ITFG1: variants seen among roughly 807,000 people sequenced by gnomAD.
ITFG1 encodes the protein T-cell immunomodulatory protein.
A neutral mutation model predicts 81.8 loss-of-function variants in ITFG1; 34 were observed. The ratio of observed to expected loss-of-function variants is 0.42; its 90% confidence interval spans 0.32 to 0.55. The LOEUF (loss-of-function observed/expected upper bound fraction) is 0.55, where lower values mean the gene tolerates loss of function less well. Among genes scored for constraint, ITFG1 ranks in the 20% least tolerant of loss-of-function variants. The pLI, the probability that ITFG1 is intolerant of heterozygous loss-of-function variation, is 0.17. For synonymous variants in ITFG1, 285 were observed against 270.6 expected, an observed-to-expected ratio of 1.05 and a Z score of -0.52; for missense variants, 672 against 755.4, an observed-to-expected ratio of 0.89 and a Z score of 1.29.
chr16:47,316,392 T>TC (rs1967358910), intron 8 of ITFG1, among the ~76,000 whole-genome samples: 1 of 152,242 alleles, frequency 6.6e-6, no homozygotes, highest in African/African-American at 2.4e-5. Context: ...CAAATTTTTT[T>TC]CGGAACCATG....
At chr16:47,330,182 G>C (rs954220295) in intron 8 of ITFG1, among the ~76,000 whole-genome samples, 1 of 151,956 alleles carries the variant, frequency 6.6e-6, no homozygotes, top group Non-Finnish European at 1.5e-5. Flanking sequence ...TGAGAAAAAT[G>C]AGCATGGGAA....
At chr16:47,209,905 T>C (rs1445371484) in intron 14 of ITFG1, among the ~76,000 whole-genome samples, 1 of 152,196 alleles carries the variant, frequency 6.6e-6, no homozygotes, top group Non-Finnish European at 1.5e-5. Flanking sequence ...CATTGCTGAG[T>C]AGTGTTTCAT....
At chr16:47,322,832 A>G (rs1967469119) in intron 8 of ITFG1, among the ~76,000 whole-genome samples, 1 of 152,158 alleles carries the variant, frequency 6.6e-6, no homozygotes, top group Non-Finnish European at 1.5e-5. Context: ...CCAAGTATAT[A>G]TTGTTATTAA....
chr16:47,365,808 T>C lies in ITFG1; in HGVS notation c.782A>G (p.Gln261Arg). The change falls in exon 8 of 18, where the codon CAG becomes CGG. Residue 261 changes from glutamine to arginine, a missense_variant. Around this residue, in one of 3 missense-constraint regions of ITFG1, gnomAD observed 560 missense variants for 625.7 expected, o/e 0.90. Coordinates refer to ENST00000320640, the MANE Select transcript of ITFG1 (RefSeq NM_030790.5). ...EKPQNMMVVG[Q>R]SAFADFDGDG... The stretch of plus-strand genomic sequence containing the variant: ...CTTACCAAAGTCTGCAAATGCTGAC[T>C]GTCCAACCACCATCATATTTTGAGG... 6.2e-7 allele frequency: 1 copy of C among 1,601,030 alleles called. No homozygotes were observed. The highest frequency in any genetic ancestry group is 8.5e-7 in the Non-Finnish European group (1 of 1,169,698).
intron 10 of ITFG1, among the ~76,000 whole-genome samples, chr16:47,269,323 C>T (rs959964845): frequency 6.6e-6 from 1 of 151,370 alleles, no homozygotes; most frequent in Non-Finnish European, 1.5e-5. Flanking sequence ...GATATAAATA[C>T]AATAGTCAAG....
At chr16:47,361,539 A>T (rs948103354) in intron 8 of ITFG1, among the ~76,000 whole-genome samples, 1 of 152,160 alleles carries the variant, frequency 6.6e-6, no homozygotes, top group South Asian at 2.1e-4. Flanking sequence ...AAGACAGAAA[A>T]CATGTCTTCT....
intron 17 of ITFG1, among the ~76,000 whole-genome samples, chr16:47,156,709 ATGGGGAGAGTGGTATTCACTCCAAGC>A (rs974235730): frequency 2.0e-5 from 3 of 151,994 alleles, no homozygotes; most frequent in African/African-American, 7.2e-5. Context: ...AAGTATGGAA[ATGGGGAGAGTGGTATTCACTCCAAGC>A]TGGGGTTACA....
intron 12 of ITFG1, among the ~76,000 whole-genome samples, chr16:47,248,656 C>T (rs1184908911): frequency 2.0e-5 from 3 of 152,108 alleles, no homozygotes; most frequent in East Asian, 3.8e-4. Flanking sequence ...ACCTGTGCTT[C>T]AGTTAGGTTA....
chr16:47,246,268 A>C (rs1184815063), intron 12 of ITFG1, among the ~76,000 whole-genome samples: 1 of 152,234 alleles, frequency 6.6e-6, no homozygotes, highest in Admixed American at 6.5e-5. Context: ...ATAAGACTTA[A>C]ATGTAACCTT....
At chr16:47,210,571 G>A (rs1965550296) in intron 14 of ITFG1, among the ~76,000 whole-genome samples, 1 of 152,136 alleles carries the variant, frequency 6.6e-6, no homozygotes, top group African/African-American at 2.4e-5. Context: ...TGCTTTTGGT[G>A]TAAAGTCTAA....
chr16:47,301,786 C>T (rs1198238708), intron 10 of ITFG1, among the ~76,000 whole-genome samples: 4 of 152,152 alleles, frequency 2.6e-5, no homozygotes, highest in South Asian at 2.1e-4. Flanking sequence ...AATTATAAAA[C>T]GATTTCATCT....
chr16:47,190,791 T>G (rs1249878395), intron 14 of ITFG1, among the ~76,000 whole-genome samples: 1 of 152,244 alleles, frequency 6.6e-6, no homozygotes, highest in Non-Finnish European at 1.5e-5. Context: ...AATCATTTTA[T>G]TTCTCATGAT....
intron 8 of ITFG1, among the ~76,000 whole-genome samples, chr16:47,362,218 C>T (rs1968118675): frequency 6.6e-6 from 1 of 152,162 alleles, no homozygotes; most frequent in African/African-American, 2.4e-5. Context: ...CATGCCCTGA[C>T]CTGTCTCCTG....
intron 14 of ITFG1, among the ~76,000 whole-genome samples, chr16:47,187,364 C>T (rs1405238998): frequency 1.3e-5 from 2 of 151,694 alleles, no homozygotes; most frequent in South Asian, 2.1e-4. Context: ...TCAAACTATA[C>T]TACAAGGCTA....
At chr16:47,183,041 C>G (rs1288006968) in intron 14 of ITFG1, among the ~76,000 whole-genome samples, 1 of 152,186 alleles carries the variant, frequency 6.6e-6, no homozygotes, top group South Asian at 2.1e-4. Context: ...CACTCCCACC[C>G]GAATACCGCG....
At chr16:47,416,531 A>G (rs569933972) in intron 6 of ITFG1, among the ~76,000 whole-genome samples, 2 of 152,256 alleles carry the variant, frequency 1.3e-5, no homozygotes, top group South Asian at 2.1e-4. Context: ...CTGAGCCCCA[A>G]TGTTGGAGGT....
At chr16:47,341,055 G>A (rs1967775050) in intron 8 of ITFG1, among the ~76,000 whole-genome samples, 1 of 151,870 alleles carries the variant, frequency 6.6e-6, no homozygotes. Context: ...GAAAATTCAC[G>A]AATACATGAA....
chr16:47,240,627 C>A (rs72800629), intron 12 of ITFG1, among the ~76,000 whole-genome samples: 1 of 152,250 alleles, frequency 6.6e-6, no homozygotes, highest in South Asian at 2.1e-4. Context: ...TTAGTCACAA[C>A]AGCCAAGAGG....
intron 8 of ITFG1, among the ~76,000 whole-genome samples, chr16:47,326,408 T>A (rs951955258): frequency 2.0e-5 from 3 of 152,164 alleles, no homozygotes; most frequent in Non-Finnish European, 2.9e-5. Flanking sequence ...CTTTGAAAAC[T>A]GGCACAAGAC....
Sources: allele counts gnomAD v4.1 joint callset (sites outside exome capture counted in the v4.1 genomes callset), GRCh38; gene constraint gnomAD v4.1.1; regional missense constraint gnomAD v4.1.1; transcripts MANE v1.5; gene names NCBI Gene and HGNC (gene_info 2026-07-23, HGNC 2026-07-21).